AGBL4: variants seen among roughly 807,000 people sequenced by gnomAD.
AGBL4 encodes the protein AGBL carboxypeptidase 4.
AGBL4 carries 58 observed loss-of-function variants against 66.4 expected under a neutral mutation model. The observed-to-expected ratio is 0.87, with a 90% confidence interval of 0.71 to 1.09. The LOEUF (loss-of-function observed/expected upper bound fraction) is 1.09, where lower values mean the gene tolerates loss of function less well. AGBL4 is among the 50% of genes least tolerant of loss of function. AGBL4 has a pLI of 0.00. For synonymous variants in AGBL4, 234 were observed against 222.9 expected (o/e 1.05, Z -0.44); for missense variants, 579 against 631.0 (o/e 0.92, Z 0.88).
chr1:48,737,185 G>A (rs1649200724), intron 6 of AGBL4, among the ~76,000 whole-genome samples: 1 of 152,328 alleles, frequency 6.6e-6, no homozygotes, highest in South Asian at 2.1e-4. Flanking sequence ...TTGGGAGGCT[G>A]AGGCAAGAGA....
chr1:49,814,738 T>C (rs1185116132), intron 2 of AGBL4, among the ~76,000 whole-genome samples: 1 of 152,108 alleles, frequency 6.6e-6, no homozygotes, highest in Non-Finnish European at 1.5e-5. Context: ...CCAACAGATA[T>C]AAAATCATTG....
In AGBL4 at chr1:48,970,375, A is replaced by G. The variant is rs149882466; in HGVS notation, c.594+75209T>C. 4.0e-3 allele frequency among the ~76,000 whole-genome samples: 613 copies of G among 152,286 alleles called. 3 individuals carry two copies. The highest frequency in any genetic ancestry group is 0.014 in the African/African-American group (589 of 41,568). ...AATTAAAACAAAGGAGTTAATCAAGATAAACTTCCACACCTACCCAGCACC... is the reference window on the plus strand; with the variant it reads ...AATTAAAACAAAGGAGTTAATCAAGGTAAACTTCCACACCTACCCAGCACC... On this transcript the variant is annotated intron_variant, in intron 5 of 13. Transcript: ENST00000371839.
intron 3 of AGBL4, among the ~76,000 whole-genome samples, chr1:49,515,257 T>A (rs543351639): frequency 2.0e-5 from 3 of 152,008 alleles, no homozygotes; most frequent in African/African-American, 7.2e-5. Flanking sequence ...CAAAAGAAGA[T>A]ATTTATGCAG....
intron 1 of AGBL4, among the ~76,000 whole-genome samples, chr1:49,919,213 T>C (rs992110477): frequency 1.4e-4 from 22 of 152,120 alleles, no homozygotes; most frequent in African/African-American, 3.4e-4. Context: ...CTATTCAACA[T>C]AGTGTTGGAA....
chr1:48,631,972 T>C (rs985040787), intron 9 of AGBL4, among the ~76,000 whole-genome samples: 3 of 152,204 alleles, frequency 2.0e-5, no homozygotes, highest in African/African-American at 7.2e-5. Flanking sequence ...AGTATTTACT[T>C]GTTTAAAGTC....
intron 3 of AGBL4, among the ~76,000 whole-genome samples, chr1:49,474,943 G>C (rs1646817456): frequency 6.6e-6 from 1 of 152,102 alleles, no homozygotes; most frequent in Middle Eastern, 3.4e-3. Flanking sequence ...CCTCTTACTG[G>C]ATTGTTCCAG....
At chr1:49,192,214 T>C (rs1398159324) in intron 4 of AGBL4, among the ~76,000 whole-genome samples, 2 of 152,172 alleles carry the variant, frequency 1.3e-5, no homozygotes, top group African/African-American at 2.4e-5. Context: ...ATTAGTGATG[T>C]TGAGTATTTT....
chr1:48,701,729 G>T (rs1362756771), intron 6 of AGBL4, among the ~76,000 whole-genome samples: 1 of 152,150 alleles, frequency 6.6e-6, no homozygotes, highest in Admixed American at 6.5e-5. Context: ...CATACTGAGG[G>T]TGTGTTTTGT....
intron 2 of AGBL4, among the ~76,000 whole-genome samples, chr1:49,805,414 T>G (rs1474215944): frequency 6.6e-6 from 1 of 152,166 alleles, no homozygotes; most frequent in Non-Finnish European, 1.5e-5. Context: ...ATAAATATTT[T>G]TCTTCTGTAA....
chr1:49,255,748 C>T (rs1165075801), intron 3 of AGBL4, among the ~76,000 whole-genome samples: 1 of 152,066 alleles, frequency 6.6e-6, no homozygotes, highest in Non-Finnish European at 1.5e-5. Flanking sequence ...AAAGCAGAGA[C>T]ATGGAATCAA....
chr1:49,950,005 T>A (rs547060542), intron 1 of AGBL4, among the ~76,000 whole-genome samples: 38 of 81,632 alleles, frequency 4.7e-4, no homozygotes, highest in Non-Finnish European at 9.2e-4. Context: ...TGTGTATATA[T>A]ATATACACAC....
chr1:49,835,229 A>T (rs951120181), intron 2 of AGBL4, among the ~76,000 whole-genome samples: 1 of 152,046 alleles, frequency 6.6e-6, no homozygotes, highest in Non-Finnish European at 1.5e-5. Flanking sequence ...GGTCTCTAAG[A>T]ACTTGCTTCA....
intron 3 of AGBL4, among the ~76,000 whole-genome samples, chr1:49,481,083 T>A (rs1024534901): frequency 2.0e-5 from 3 of 152,094 alleles, no homozygotes; most frequent in Non-Finnish European, 2.9e-5. Flanking sequence ...CCAGTTTTGT[T>A]CTTTTTACTT....
intron 5 of AGBL4, among the ~76,000 whole-genome samples, chr1:49,008,934 C>G (rs1200037560): frequency 1.3e-5 from 2 of 150,728 alleles, no homozygotes; most frequent in East Asian, 3.9e-4. Context: ...AGGAAAGATC[C>G]AAAATTGACA....
intron 4 of AGBL4, among the ~76,000 whole-genome samples, chr1:49,141,939 T>G (rs1345703752): frequency 6.6e-6 from 1 of 152,116 alleles, no homozygotes; most frequent in Non-Finnish European, 1.5e-5. Context: ...CTCTGGGTCA[T>G]GGACCAGTAC....
At chr1:48,636,623 C>G (rs1487546894) in intron 8 of AGBL4, among the ~76,000 whole-genome samples, 2 of 152,224 alleles carry the variant, frequency 1.3e-5, no homozygotes, top group Non-Finnish European at 2.9e-5. Flanking sequence ...ACATTCAATG[C>G]TGTGACTAGT....
At chr1:48,671,402 C>T (rs761034868) in intron 6 of AGBL4, among the ~76,000 whole-genome samples, 3 of 152,354 alleles carry the variant, frequency 2.0e-5, no homozygotes, top group Admixed American at 6.5e-5. Context: ...TGCAAGAATA[C>T]TTTATTCAAA....
intron 3 of AGBL4, among the ~76,000 whole-genome samples, chr1:49,679,407 G>A (rs1480413085): frequency 6.6e-6 from 1 of 152,068 alleles, no homozygotes; most frequent in Non-Finnish European, 1.5e-5. Context: ...ATGTGTGTGT[G>A]TGTGAATCTC....
At chr1:49,042,713 G>T (rs1266786043) in intron 5 of AGBL4, among the ~76,000 whole-genome samples, 1 of 152,138 alleles carries the variant, frequency 6.6e-6, no homozygotes, top group African/African-American at 2.4e-5. Flanking sequence ...CATAAAATTA[G>T]TTGTGGATTG....
Sources: gnomAD v4.1 joint callset for allele counts (sites outside exome capture counted in the v4.1 genomes callset) on GRCh38, gnomAD v4.1.1 for gene constraint, MANE v1.5 for transcripts, NCBI Gene and HGNC (gene_info 2026-07-23, HGNC 2026-07-21) for gene names.